The following EVL variants were observed in gnomAD, a reference collection of about 807,000 sequenced individuals.
The protein encoded by EVL is Enah/Vasp-like.
Under a neutral mutation model 59.6 loss-of-function variants are expected in EVL, and 21 were observed. The ratio of observed to expected loss-of-function variants is 0.35; its 90% confidence interval spans 0.25 to 0.51. EVL has a LOEUF of 0.51. Ranked by LOEUF, EVL falls within the 20% of genes least tolerant of loss-of-function variation. The pLI is 0.97. For missense variants in EVL, 462 were observed against 546.6 expected (o/e 0.85, Z 1.54); for synonymous variants, 198 against 203.5 (o/e 0.97, Z 0.23).
At chr14:100,016,088 A>AT (rs1319450785) in intron 1 of EVL, among the ~76,000 whole-genome samples, 36 of 148,706 alleles carry the variant, frequency 2.4e-4, no homozygotes, top group Middle Eastern at 3.4e-3. Context: ...CAAAAAAAAA[A>AT]AAAAAAAATT....
intron 1 of EVL, among the ~76,000 whole-genome samples, chr14:99,995,930 T>C (rs2060910151): frequency 1.3e-5 from 2 of 152,210 alleles, no homozygotes; most frequent in South Asian, 4.2e-4. Flanking sequence ...GTACTGGAGT[T>C]CTCCCTAGCG....
At chr14:100,095,180 G>A (rs1595168901) in intron 2 of EVL, among the ~76,000 whole-genome samples, 1 of 152,204 alleles carries the variant, frequency 6.6e-6, no homozygotes, top group African/African-American at 2.4e-5. Flanking sequence ...AGACACTAAA[G>A]TATCTTTTAT....
At chr14:100,043,026 T>C (rs2061489871) in intron 1 of EVL, among the ~76,000 whole-genome samples, 1 of 152,164 alleles carries the variant, frequency 6.6e-6, no homozygotes, top group Non-Finnish European at 1.5e-5. Flanking sequence ...AAAACTGGAT[T>C]TGTCAACCTC....
intron 3 of EVL, chr14:100,107,449 A>C: frequency 2.5e-6 from 1 of 397,180 alleles, no homozygotes. Context: ...CAGATGACAA[A>C]ACCAAGACCC....
intron 1 of EVL, chr14:100,019,680 G>A (rs1699247468): frequency 6.5e-7 from 1 of 1,533,652 alleles, no homozygotes; most frequent in African/African-American, 1.4e-5. Flanking sequence ...TGCATTTGAA[G>A]AATTCAGGTA....
intron 3 of EVL, chr14:100,102,519 T>A (rs867320234): frequency 2.6e-6 from 1 of 380,030 alleles, no homozygotes; most frequent in African/African-American, 2.1e-5. Flanking sequence ...GAGAAACTTC[T>A]TGTTTAGCTT....
chr14:100,137,455 C>A, intron 9 of EVL, 123 bp from the exon 10 acceptor site: 1 of 1,032,374 alleles, frequency 9.7e-7, no homozygotes, highest in Non-Finnish European at 1.5e-6. Context: ...ATCAGACCTT[C>A]CTGCCACGGG....
intron 1 of EVL, among the ~76,000 whole-genome samples, chr14:100,034,177 A>G (rs1008120119): frequency 4.0e-5 from 6 of 151,024 alleles, no homozygotes; most frequent in Admixed American, 1.3e-4. Context: ...GGAGGTTGCA[A>G]TGAGCTGAAA....
At chr14:100,139,077 A>AGG (rs1036498478) in intron 11 of EVL, 9 of 152,546 alleles carry the variant, frequency 5.9e-5, no homozygotes, top group African/African-American at 2.2e-4. Context: ...CTTGAGGCAC[A>AGG]GGGTGCCATG....
Position 100,000,251 on chromosome 14 carries a change from G to A in EVL, c.5+28194G>A, listed in dbSNP as rs147144776. 1.3e-4 allele frequency among the ~76,000 whole-genome samples: 19 copies of A among 151,280 alleles called. 1 individual carries two copies. The South Asian group carries it at 2.1e-3, about 17-fold the overall frequency. On this transcript the variant is annotated intron_variant, in intron 1 of 13. Transcript: ENST00000402714. ...AGACATCAGTCAATAAATGTAAGAT[G>A]TACATTGATTTTGTCCAGAAAGGCA...
chr14:100,073,423 G>A (rs1242580066), intron 1 of EVL, among the ~76,000 whole-genome samples: 1 of 150,370 alleles, frequency 6.7e-6, no homozygotes, highest in Admixed American at 6.7e-5. Flanking sequence ...CTCAGCTCAA[G>A]GGATCCTTCC....
intron 1 of EVL, among the ~76,000 whole-genome samples, chr14:99,983,990 C>G (rs1202221043): frequency 6.6e-6 from 1 of 152,142 alleles, no homozygotes; most frequent in Non-Finnish European, 1.5e-5. Flanking sequence ...GCTAGAACCC[C>G]AGAACCCCAA....
chr14:100,007,825 GAA>G (rs1342487450), intron 1 of EVL, among the ~76,000 whole-genome samples: 1 of 152,050 alleles, frequency 6.6e-6, no homozygotes, highest in African/African-American at 2.4e-5. Flanking sequence ...GAGAGAAAGA[GAA>G]AGAAAGAAAA....
intron 1 of EVL, among the ~76,000 whole-genome samples, chr14:99,997,900 G>A (rs917811322): frequency 1.3e-5 from 2 of 152,094 alleles, no homozygotes; most frequent in Non-Finnish European, 2.9e-5. Context: ...GAAATGCAAG[G>A]TTTGACTGAT....
In EVL at chr14:100,114,173, G is replaced by GT. The variant is rs1434739604; in HGVS notation, c.359-9366_359-9365insT. Reference sequence around the variant, plus strand: ...AAGGAGCGAAGCGAAGGAGGGCCGGGGGGGAATCAAATGAGCCTTACTTCT... The same window carrying GT: ...AAGGAGCGAAGCGAAGGAGGGCCGGGTGGGGAATCAAATGAGCCTTACTTCT... On this transcript the variant is annotated intron_variant, in intron 3 of 13. Coordinates refer to ENST00000392920, the MANE Select transcript of EVL (RefSeq NM_016337.3). The surrounding 1 kb of genome is among the most constrained non-coding windows in gnomAD (Gnocchi z 5.0). Among the ~76,000 whole-genome samples, 4 of 151,822 alleles carry GT rather than the reference G, an allele frequency of 2.6e-5. No individual in the cohort carries two copies. Among genetic ancestry groups the GT allele is most frequent in the Non-Finnish European group, 5.9e-5 (4 of 67,930 alleles).
At chr14:100,129,729 C>T (rs959028736) in intron 7 of EVL, 45 bp downstream of exon 7, 9 of 1,497,724 alleles carry the variant, frequency 6.0e-6, no homozygotes, top group African/African-American at 4.2e-5. Flanking sequence ...TAGCAGGAAG[C>T]TCCTGCCCCC....
intron 1 of EVL, among the ~76,000 whole-genome samples, chr14:99,995,965 C>G (rs904055448): frequency 6.6e-6 from 1 of 152,132 alleles, no homozygotes; most frequent in Non-Finnish European, 1.5e-5. Flanking sequence ...TGCACACTCT[C>G]TGGTGCTACA....
In EVL at chr14:100,129,611, G is replaced by A. The variant is rs748500160; in HGVS notation, c.766G>A (p.Asp256Asn). The change falls in exon 7 of 14, where the codon GAT becomes AAT. Residue 256 changes from aspartate (D) to asparagine (N), a missense_variant. Coordinates refer to ENST00000392920, the MANE Select transcript of EVL (RefSeq NM_016337.3). ...GSSPSGTSKSDANRASSGGGG... is the reference protein window; with the variant it reads ...GSSPSGTSKSNANRASSGGGG... ...CAGTCCCAGTGGGACCTCAAAGTCC[G>A]ATGCCAACCGGGCAAGCAGCGGGGG... The A allele has an allele frequency of 1.9e-6, 3 of 1,613,396 alleles. No individual in the cohort carries two copies. Among genetic ancestry groups the A allele is most frequent in the East Asian group, 2.2e-5 (1 of 44,900 alleles).
intron 8 of EVL, among the ~76,000 whole-genome samples, chr14:100,133,908 G>A (rs897729121): frequency 6.6e-6 from 1 of 152,146 alleles, no homozygotes; most frequent in African/African-American, 2.4e-5. Context: ...TTGCACTCCA[G>A]CCTGGGCAAC....
Sources: allele counts gnomAD v4.1 joint callset (sites outside exome capture counted in the v4.1 genomes callset), GRCh38; gene constraint gnomAD v4.1.1; non-coding constraint Gnocchi (gnomAD v3.1); transcripts MANE v1.5; gene names NCBI Gene and HGNC (gene_info 2026-07-23, HGNC 2026-07-21).